The following TACR3 variants were observed in gnomAD, a reference collection of about 807,000 sequenced individuals.
The protein encoded by TACR3 is tachykinin receptor 3, also known as neuromedin-K receptor.
Under a neutral mutation model 35.0 loss-of-function variants are expected in TACR3, and 34 were observed. The ratio of observed to expected loss-of-function variants is 0.97; its 90% CI spans 0.74 to 1.30. The LOEUF (loss-of-function observed/expected upper bound fraction) is 1.30. TACR3 is among the 50% of genes most tolerant of loss of function. The probability of loss-of-function intolerance (pLI) is 0.00; values close to 1 mark genes in which losing one functional copy is unlikely to be tolerated. For missense variants in TACR3, 558 were observed against 591.7 expected, an observed-to-expected ratio of 0.94 and a Z score of 0.59; for synonymous variants, 233 against 221.1, an observed-to-expected ratio of 1.05 and a Z score of -0.48.
intron 3 of TACR3, among the ~76,000 whole-genome samples, chr4:103,655,100 G>A (rs1261058971): frequency 1.3e-5 from 2 of 152,182 alleles, no homozygotes; most frequent in Non-Finnish European, 2.9e-5. Context: ...ATCTGGGAAA[G>A]CTCATTCTTA....
At chr4:103,708,607 C>G (rs1169431796) in intron 1 of TACR3, among the ~76,000 whole-genome samples, 1 of 152,212 alleles carries the variant, frequency 6.6e-6, no homozygotes, top group Non-Finnish European at 1.5e-5. Context: ...ACCTCTCCCC[C>G]TCCAAAGGAA....
chr4:103,656,268 T>C lies in TACR3; in HGVS notation c.814A>G (p.Ile272Val), dbSNP rs1483228039. The change falls in exon 3 of 5, where the codon ATT (isoleucine) becomes GTT (valine). Residue 272 changes from isoleucine (I) to valine (V), a missense_variant. By Grantham distance (29) the Ile-to-Val change is conservative. Coordinates refer to ENST00000304883, the MANE Select transcript of TACR3 (RefSeq NM_001059.3). ...GGGATTTCTCCTCCCCAGAGAGTAA[T>C]TCCAACAATGGTGTATGTAATACCC... ...IMGITYTIVG[I>V]TLWGGEIPGD... The C allele has an allele frequency of 6.2e-7, 1 of 1,613,060 alleles. No individual in the cohort carries two copies. The highest frequency in any genetic ancestry group is 8.5e-7 in the Non-Finnish European group (1 of 1,179,336).
chr4:103,619,734 T>G (rs1301425216), intron 3 of TACR3, among the ~76,000 whole-genome samples: 2 of 152,146 alleles, frequency 1.3e-5, no homozygotes, highest in African/African-American at 4.8e-5. Context: ...ATGAAGAAAT[T>G]TTGGATTTTT....
Position 103,589,864 on chromosome 4 carries a change from T to G in TACR3, c.1216A>C (p.Met406Leu). Reference protein sequence around the residue: ...RQSSMYTVTRMESMTVVFDPN... With the variant: ...RQSSMYTVTRLESMTVVFDPN... ...TCAAACACGACTGTCATGGACTCCATTCTGGTCACGGTGTACATACTGCTT... is the reference window on the plus strand; with the variant it reads ...TCAAACACGACTGTCATGGACTCCAGTCTGGTCACGGTGTACATACTGCTT... Residue 406 changes from methionine (M) to leucine (L), a missense_variant, in exon 5 of 5, where the codon ATG (methionine) becomes CTG (leucine). Met to Leu is a conservative substitution (Grantham distance 15). Coordinates refer to ENST00000304883, the MANE Select transcript of TACR3 (RefSeq NM_001059.3). 2 of 1,613,954 alleles carry G rather than the reference T, an allele frequency of 1.2e-6. No homozygotes were observed. The highest frequency in any genetic ancestry group is 1.7e-6 in the Non-Finnish European group (2 of 1,179,868).
At chr4:103,601,994 T>G (rs983825019) in intron 3 of TACR3, among the ~76,000 whole-genome samples, 1 of 152,222 alleles carries the variant, frequency 6.6e-6, no homozygotes, top group Admixed American at 6.5e-5. Context: ...CCAACTTGGT[T>G]CCAATCTCCC....
intron 3 of TACR3, among the ~76,000 whole-genome samples, chr4:103,643,402 C>T (rs547870240): frequency 1.3e-5 from 2 of 148,776 alleles, no homozygotes; most frequent in East Asian, 4.0e-4. Context: ...GCCAGTCTGG[C>T]GACAGAGTGA....
At chr4:103,600,601 C>G (rs1053095555) in intron 3 of TACR3, among the ~76,000 whole-genome samples, 12 of 152,174 alleles carry the variant, frequency 7.9e-5, no homozygotes, top group African/African-American at 4.8e-5. Flanking sequence ...GCATTTAGTG[C>G]TATAAATTTC....
intron 1 of TACR3, among the ~76,000 whole-genome samples, chr4:103,702,816 T>C (rs1217849715): frequency 1.4e-5 from 2 of 144,084 alleles, no homozygotes; most frequent in Non-Finnish European, 3.0e-5. Context: ...AAACCAAACA[T>C]CACATGTTCT....
chr4:103,629,861 C>A (rs7440554), intron 3 of TACR3, among the ~76,000 whole-genome samples: 35,986 of 95,626 alleles, frequency 0.38, 5,678 homozygotes, highest in Middle Eastern at 0.4. Context: ...AAAAAAAAAA[C>A]AAAAAAAAAA....
At chr4:103,711,341 C>T (rs1007650861) in intron 1 of TACR3, among the ~76,000 whole-genome samples, 7 of 152,206 alleles carry the variant, frequency 4.6e-5, no homozygotes, top group Admixed American at 1.3e-4. Flanking sequence ...GTTCAACATA[C>T]GCAAATCAAT....
At position 103,719,638 on chromosome 4, in the gene TACR3, C is replaced by A; in HGVS notation, c.38G>T (p.Gly13Val). Residue 13 changes from glycine (G) to valine (V), a missense_variant, in exon 1 of 5, where the codon GGG becomes GTG. Transcript: ENST00000304883. ...GGCGTCTGCACCCACGCCTCCACCC[C>A]CGTCTATCCAGGTTTCTGCTGCTGG... Reference protein sequence around the residue: ...TLPAAETWIDGGGGVGADAVN... With the variant: ...TLPAAETWIDVGGGVGADAVN... The A allele has an allele frequency of 6.2e-7, 1 of 1,613,482 alleles. No individual in the cohort carries two copies. Among genetic ancestry groups the A allele is most frequent in the Admixed American group, 1.7e-5 (1 of 60,022 alleles).
chr4:103,718,980 G>T, intron 1 of TACR3, 148 bp downstream of exon 1: 1 of 1,059,744 alleles, frequency 9.4e-7, no homozygotes, highest in Non-Finnish European at 1.4e-6. Flanking sequence ...GGCTACAAAT[G>T]GGTTAGTGTC....
chr4:103,591,050 C>T (rs1723881377), intron 4 of TACR3, among the ~76,000 whole-genome samples: 1 of 152,136 alleles, frequency 6.6e-6, no homozygotes, highest in African/African-American at 2.4e-5. Flanking sequence ...TTATTTACAA[C>T]ATATCCTTTT....
intron 1 of TACR3, among the ~76,000 whole-genome samples, chr4:103,677,557 G>T (rs1333951711): frequency 6.6e-6 from 1 of 152,084 alleles, no homozygotes; most frequent in East Asian, 1.9e-4. Context: ...CCTTTGCAGG[G>T]ACATAAATTG....
intron 1 of TACR3, among the ~76,000 whole-genome samples, chr4:103,670,409 G>GACAAAGTTACAGACAA (rs1390508861): frequency 6.6e-6 from 1 of 151,974 alleles, no homozygotes. Flanking sequence ...TGAATCTGTA[G>GACAAAGTTACAGACAA]AGTGCTTGGG....
intron 1 of TACR3, among the ~76,000 whole-genome samples, chr4:103,712,578 A>T (rs1578269444): frequency 6.6e-6 from 1 of 152,172 alleles, no homozygotes; most frequent in African/African-American, 2.4e-5. Context: ...GGACTTTATG[A>T]CTAAAACACC....
intron 3 of TACR3, chr4:103,593,361 A>G (rs904655040): frequency 1.3e-5 from 2 of 152,198 alleles, no homozygotes; most frequent in Admixed American, 1.3e-4. Flanking sequence ...CCAATTCCTC[A>G]TCCTGAAGTT....
intron 3 of TACR3, among the ~76,000 whole-genome samples, chr4:103,627,918 A>AAAAG (rs1199524448): frequency 6.6e-6 from 1 of 152,200 alleles, no homozygotes; most frequent in African/African-American, 2.4e-5. Flanking sequence ...CAGCAAACGT[A>AAAAG]AAAGAACAGA....
intron 1 of TACR3, among the ~76,000 whole-genome samples, chr4:103,706,648 G>T (rs959344938): frequency 6.6e-6 from 1 of 152,164 alleles, no homozygotes; most frequent in Non-Finnish European, 1.5e-5. Context: ...CAATGTGGAT[G>T]TGACGGTCAT....
Sources: allele counts gnomAD v4.1 joint callset (sites outside exome capture counted in the v4.1 genomes callset), GRCh38; gene constraint gnomAD v4.1.1; transcripts MANE v1.5; gene names NCBI Gene and HGNC (gene_info 2026-07-23, HGNC 2026-07-21).